ANKFN1: variants seen among roughly 807,000 people sequenced by gnomAD.
ANKFN1 encodes ankyrin repeat and fibronectin type III domain containing 1.
In ANKFN1, 74 loss-of-function variants were observed where a neutral mutation model predicts 108.7. That is an observed-to-expected ratio of 0.68 (90% CI 0.56 to 0.83). The LOEUF (loss-of-function observed/expected upper bound fraction) is 0.83, where lower values mean the gene tolerates loss of function less well. Ranked by LOEUF, ANKFN1 falls within the 40% of genes least tolerant of loss-of-function variation. ANKFN1 has a pLI of 0.00. For missense variants in ANKFN1, 1,505 were observed against 1,382.3 expected (o/e 1.09, Z -1.41); for synonymous variants, 547 against 516.2 (o/e 1.06, Z -0.81).
rs1181482796 is a variant in ANKFN1, at chr17:56,515,036, A to C, written c.*3767A>C. On this transcript the variant is annotated 3_prime_UTR_variant, in exon 21 of 21. Transcript: ENST00000682825. ...TCTGGTTCTTCATCCTGCAACCAAG[A>C]TGTACTTACCTTCTCTTGGAGAACT... Among the ~76,000 whole-genome samples, 2 of 152,052 alleles carry C rather than the reference A, an allele frequency of 1.3e-5. No individual in the cohort carries two copies. The highest frequency in any genetic ancestry group is 4.8e-5 in the African/African-American group (2 of 41,410).
intron 3 of ANKFN1, among the ~76,000 whole-genome samples, chr17:56,307,214 A>G (rs1028776609): frequency 1.3e-5 from 2 of 152,258 alleles, no homozygotes; most frequent in Admixed American, 6.5e-5. Context: ...AACAAAAGCC[A>G]AAATTGACAA....
Position 56,482,353 on chromosome 17 carries a change from C to T in ANKFN1, c.2092-3C>T. On this transcript the variant is annotated splice_polypyrimidine_tract_variant and splice_region_variant and intron_variant, in intron 17 of 20. Coordinates refer to ENST00000682825, the MANE Select transcript of ANKFN1 (RefSeq NM_001370326.1). ...TTTTTCCTCCGCGCGTGTCCCTCTG[C>T]AGGCAAGGAACTTCCGCCTCTACAC... is the stretch of plus-strand genomic sequence containing the variant. 1 of 1,592,570 alleles carries T rather than the reference C, an allele frequency of 6.3e-7. No individual in the cohort carries two copies. The highest frequency in any genetic ancestry group is 8.6e-7 in the Non-Finnish European group (1 of 1,168,130).
intron 8 of ANKFN1, among the ~76,000 whole-genome samples, chr17:56,390,412 G>A (rs1450853433): frequency 6.6e-6 from 1 of 152,184 alleles, no homozygotes; most frequent in Non-Finnish European, 1.5e-5. Context: ...ATTCCATGGT[G>A]TATATGTGCC....
intron 14 of ANKFN1, among the ~76,000 whole-genome samples, chr17:56,464,578 G>T (rs1003874054): frequency 2.6e-5 from 4 of 152,184 alleles, no homozygotes; most frequent in Non-Finnish European, 4.4e-5. Flanking sequence ...TCCTTAGAGA[G>T]TTGGAAAAGT....
At chr17:56,052,102 G>C (rs191039253) in intron 4 of ANKFN1, among the ~76,000 whole-genome samples, 1 of 151,592 alleles carries the variant, frequency 6.6e-6, no homozygotes, top group South Asian at 2.1e-4. Flanking sequence ...AAAAGAGCCC[G>C]CATTGCCAAG....
At chr17:56,145,959 G>A (rs1908233002) in intron 4 of ANKFN1, among the ~76,000 whole-genome samples, 1 of 152,172 alleles carries the variant, frequency 6.6e-6, no homozygotes, top group Admixed American at 6.5e-5. Flanking sequence ...TTCCACCTAT[G>A]AGCCTGTAAA....
intron 3 of ANKFN1, among the ~76,000 whole-genome samples, chr17:56,319,218 A>G (rs1174273877): frequency 6.6e-6 from 1 of 152,170 alleles, no homozygotes; most frequent in Non-Finnish European, 1.5e-5. Context: ...TTCCGTGCCT[A>G]CTGGTGAAGA....
At chr17:56,479,608 G>A (rs943424006) in intron 16 of ANKFN1, among the ~76,000 whole-genome samples, 2 of 152,180 alleles carry the variant, frequency 1.3e-5, no homozygotes, top group African/African-American at 4.8e-5. Flanking sequence ...TTTCTAAGAG[G>A]GTAGTTAGTT....
intron 4 of ANKFN1, among the ~76,000 whole-genome samples, chr17:56,101,069 C>T (rs761922014): frequency 6.6e-6 from 1 of 151,896 alleles, no homozygotes; most frequent in East Asian, 1.9e-4. Flanking sequence ...CACTTTCTGC[C>T]GTACGTGGAT....
intron 3 of ANKFN1, among the ~76,000 whole-genome samples, chr17:56,285,673 C>T (rs2044195733): frequency 6.6e-6 from 1 of 152,166 alleles, no homozygotes; most frequent in Non-Finnish European, 1.5e-5. Context: ...ATAACTGTTG[C>T]AAACACAGAC....
At chr17:56,075,070 T>C (rs1598089032) in intron 4 of ANKFN1, among the ~76,000 whole-genome samples, 1 of 152,216 alleles carries the variant, frequency 6.6e-6, no homozygotes, top group Non-Finnish European at 1.5e-5. Flanking sequence ...GTCATTAAGC[T>C]AGCAGGAAAC....
At position 56,316,950 on chromosome 17, in the gene ANKFN1, C is replaced by G. The variant is rs567727669; in HGVS notation, c.54-9271C>G. ...TGAGTGAGGCACATCTACATTAGTT[C>G]CTTTTTAAAAAAGAAAACATTCCTG... On this transcript the variant is annotated intron_variant, in intron 3 of 20. Transcript: ENST00000682825. Among the ~76,000 whole-genome samples, 3 of 152,274 alleles carry G rather than the reference C, an allele frequency of 2.0e-5. No homozygotes were observed. In the East Asian group the frequency reaches 5.8e-4, roughly 29 times the overall value.
chr17:56,202,318 G>A (rs1439317214), intron 1 of ANKFN1, among the ~76,000 whole-genome samples: 2 of 152,110 alleles, frequency 1.3e-5, no homozygotes, highest in Non-Finnish European at 2.9e-5. Context: ...GCCTAGAGCA[G>A]GGCTTTCCTA....
intron 1 of ANKFN1, among the ~76,000 whole-genome samples, chr17:56,173,221 C>A (rs1386339142): frequency 6.6e-6 from 1 of 152,220 alleles, no homozygotes; most frequent in Non-Finnish European, 1.5e-5. Flanking sequence ...GGTCACTCCT[C>A]ATCACTCTTG....
At chr17:56,226,940 T>G (rs1916320603) in intron 2 of ANKFN1, among the ~76,000 whole-genome samples, 1 of 152,240 alleles carries the variant, frequency 6.6e-6, no homozygotes, top group Admixed American at 6.6e-5. Flanking sequence ...ATTGAACCAA[T>G]TTGCCCAAAT....
chr17:56,354,136 G>A (rs1651455926), intron 6 of ANKFN1, 90 bp downstream of exon 6: 1 of 1,284,028 alleles, frequency 7.8e-7, no homozygotes, highest in South Asian at 1.3e-5. Flanking sequence ...TTCAGAGCAG[G>A]AATGGTTGAC....
At chr17:56,083,562 A>T (rs1905273438) in intron 4 of ANKFN1, among the ~76,000 whole-genome samples, 1 of 151,470 alleles carries the variant, frequency 6.6e-6, no homozygotes, top group Non-Finnish European at 1.5e-5. Flanking sequence ...TCTTGAAATG[A>T]TTCTTTTGAC....
intron 8 of ANKFN1, among the ~76,000 whole-genome samples, chr17:56,422,250 A>G (rs2048428298): frequency 6.6e-6 from 1 of 152,190 alleles, no homozygotes; most frequent in African/African-American, 2.4e-5. Flanking sequence ...AAAATGTTTT[A>G]TTGGGTTGTC....
intron 8 of ANKFN1, among the ~76,000 whole-genome samples, chr17:56,420,754 C>G (rs1344101292): frequency 6.9e-6 from 1 of 145,530 alleles, no homozygotes; most frequent in Non-Finnish European, 1.5e-5. Context: ...GTCGCCCAGG[C>G]TGGAATGCAG....
Sources: gnomAD v4.1 joint callset for allele counts (sites outside exome capture counted in the v4.1 genomes callset) on GRCh38, gnomAD v4.1.1 for gene constraint, MANE v1.5 for transcripts, NCBI Gene and HGNC (gene_info 2026-07-23, HGNC 2026-07-21) for gene names.